UBE2O: variants seen among roughly 807,000 people sequenced by gnomAD.
UBE2O encodes ubiquitin conjugating enzyme E2 O.
UBE2O carries 15 observed loss-of-function variants against 125.8 expected under a neutral mutation model. The observed-to-expected ratio is 0.12, with a 90% CI of 0.08 to 0.18. The LOEUF (loss-of-function observed/expected upper bound fraction) is 0.18. Among genes scored for constraint, UBE2O ranks in the 10% least tolerant of loss-of-function variants. The pLI is 1.00. For synonymous variants in UBE2O, 708 were observed against 703.2 expected (o/e 1.01, Z -0.11); for missense variants, 1,280 against 1,723.6 (o/e 0.74, Z 4.56).
At chr17:76,401,207 G>T (rs1336526781) in intron 5 of UBE2O, 53 bp from the exon 6 acceptor site, 8 of 1,594,626 alleles carry the variant, frequency 5.0e-6, no homozygotes, top group Non-Finnish European at 6.8e-6. Flanking sequence ...CTCCATGGGT[G>T]ACCATGCTCT....
chr17:76,424,996 G>A (rs1231415305), intron 1 of UBE2O, among the ~76,000 whole-genome samples: 3 of 150,666 alleles, frequency 2.0e-5, no homozygotes, highest in Non-Finnish European at 4.4e-5. Flanking sequence ...TCAGCCTCCC[G>A]AGTAGCTGGG....
Position 76,391,695 on chromosome 17 carries a change from CAG to C in UBE2O, c.3208+59_3208+60del. On this transcript the variant is annotated intron_variant, in intron 17 of 17. Coordinates refer to ENST00000319380, the MANE Select transcript of UBE2O (RefSeq NM_022066.4). The surrounding 1 kb of genome is among the most constrained non-coding windows in gnomAD (Gnocchi z 8.4). Reference sequence around the variant, plus strand: ...ACCCTCCACCTGCCAGGGGGACTATCAGAGTCACTTTCCTCCACCGGCCCTCC... The same window carrying C: ...ACCCTCCACCTGCCAGGGGGACTATCAGTCACTTTCCTCCACCGGCCCTCC... The C allele has an allele frequency of 3.7e-6, 6 of 1,608,030 alleles. No homozygotes were observed. Among genetic ancestry groups the C allele is most frequent in the East Asian group, 2.2e-5 (1 of 44,820 alleles).
In UBE2O at chr17:76,416,072, T is replaced by C. The variant is rs1477657570; in HGVS notation, c.418-10500A>G. The stretch of plus-strand genomic sequence containing the variant: ...ATATGTACATACACGTATATACGTA[T>C]GTGTATACATATGTACATACATGTA... On this transcript the variant is annotated intron_variant, in intron 1 of 17. Coordinates refer to ENST00000319380, the MANE Select transcript of UBE2O (RefSeq NM_022066.4). Among the ~76,000 whole-genome samples, 5 of 151,564 alleles carry C rather than the reference T, an allele frequency of 3.3e-5. 1 individual carries two copies. Among genetic ancestry groups the C allele is most frequent in the East Asian group, 3.9e-4 (2 of 5,184 alleles).
chr17:76,432,817 C>T (rs1343642913), intron 1 of UBE2O, among the ~76,000 whole-genome samples: 2 of 152,144 alleles, frequency 1.3e-5, no homozygotes, highest in Non-Finnish European at 2.9e-5. Flanking sequence ...ATACACATGG[C>T]CAATAAGCAC....
chr17:76,429,676 G>A (rs2072871655), intron 1 of UBE2O, among the ~76,000 whole-genome samples: 1 of 152,134 alleles, frequency 6.6e-6, no homozygotes, highest in Non-Finnish European at 1.5e-5. Context: ...ACTGCTGTGA[G>A]GAGCCACTAC....
chr17:76,438,263 G>A (rs2073029349), intron 1 of UBE2O, among the ~76,000 whole-genome samples: 1 of 152,142 alleles, frequency 6.6e-6, no homozygotes, highest in African/African-American at 2.4e-5. Flanking sequence ...GGATGGTGGG[G>A]ATGGTTGCAC....
At chr17:76,406,486 G>C (rs540518155) in intron 1 of UBE2O, among the ~76,000 whole-genome samples, 2 of 152,040 alleles carry the variant, frequency 1.3e-5, no homozygotes, top group Admixed American at 1.3e-4. Context: ...TGGGGGCACT[G>C]AGAGGTCACC....
In UBE2O at chr17:76,405,159, G is replaced by T; in HGVS notation, c.588+47C>A. The T allele has an allele frequency of 6.9e-7, 1 of 1,448,152 alleles. No individual in the cohort carries two copies. Among genetic ancestry groups the T allele is most frequent in the Non-Finnish European group, 9.5e-7 (1 of 1,047,956 alleles). 89.7% of individuals were successfully genotyped at this position (1,448,152 alleles called of 1,614,324 possible). A position where few individuals can be genotyped will look rare whatever the true frequency, so the allele number is the denominator to read the frequency against. ...TAGCCCAGAGGTCGTGCCGCCGAGA[G>T]AACCAGAGGGCCCAGAAAGGATGAT... On this transcript the variant is annotated intron_variant, in intron 3 of 17. Coordinates refer to ENST00000319380, the MANE Select transcript of UBE2O (RefSeq NM_022066.4). This position sits in a 1 kb window ranked among gnomAD's most constrained non-coding sequence, Gnocchi z 6.1.
rs1377044903 is a variant in UBE2O, at chr17:76,399,387, G to T, written c.1628+62C>A. On this transcript the variant is annotated intron_variant, in intron 9 of 17. Transcript: ENST00000319380. The surrounding 1 kb of genome is among the most constrained non-coding windows in gnomAD (Gnocchi z 6.9). ...CGAGCGCAGGCACGCACACCGAGGG[G>T]ACGCGCACTCTGCCTGGCTTCACGC... 6.0e-6 allele frequency: 9 copies of T among 1,504,236 alleles called. No homozygotes were observed. The highest frequency in any genetic ancestry group is 1.2e-5 in the South Asian group (1 of 82,506). The allele number at this position is 1,504,236 out of a possible 1,614,324, so 93.2% of individuals were successfully genotyped here.
At chr17:76,423,725 T>TAAATAAATAAAAAAAAAAAA (rs1407680083) in intron 1 of UBE2O, among the ~76,000 whole-genome samples, 7 of 148,936 alleles carry the variant, frequency 4.7e-5, no homozygotes, top group African/African-American at 1.7e-4. Context: ...AATAAATAAA[T>TAAATAAATAAAAAAAAAAAA]AAAAAATAAG....
Position 76,400,316 on chromosome 17 carries a change from G to A in UBE2O, c.1005-19C>T, listed in dbSNP as rs562701277. On this transcript the variant is annotated intron_variant, in intron 7 of 17. Coordinates refer to ENST00000319380, the MANE Select transcript of UBE2O (RefSeq NM_022066.4). The surrounding 1 kb of genome is among the most constrained non-coding windows in gnomAD (Gnocchi z 4.3). ...CTTCACCCTGGTTGGGGAAGAAGTG[G>A]GGGTGAGCTGGGCTGGACTCCTGGG... 2.5e-6 allele frequency: 4 copies of A among 1,611,870 alleles called. No homozygotes were observed. The East Asian group carries it at 8.9e-5, about 36-fold the overall frequency.
Position 76,396,275 on chromosome 17 carries a change from T to G in UBE2O, c.2662A>C (p.Lys888Gln). The change falls in exon 14 of 18, where the codon AAG (lysine) becomes CAG (glutamine). Residue 888 changes from lysine to glutamine, a missense_variant. By Grantham distance (53) the Lys-to-Gln change is moderately conservative. Transcript: ENST00000319380. The surrounding 1 kb of genome is among the most constrained non-coding windows in gnomAD (Gnocchi z 6.7). ...KMEAVPDVER[K>Q]EDKPEGQSPV... is the part of the protein sequence containing the mutation. ...GACTGCCCCTCGGGCTTGTCCTCCT[T>G]GCGCTCTACGTCGGGCACTGCTTCC... 1 of 1,614,232 alleles carries G rather than the reference T, an allele frequency of 6.2e-7. No homozygotes were observed. Among genetic ancestry groups the G allele is most frequent in the Non-Finnish European group, 8.5e-7 (1 of 1,180,042 alleles).
At position 76,433,802 on chromosome 17, in the gene UBE2O, G is replaced by A. The variant is rs540948527; in HGVS notation, c.417+18923C>T. ...TTTGGGAGGCCAAGGTAGGAGGATC[G>A]CTTGAGGAAAGGAGTTTGAGACCAG... On this transcript the variant is annotated intron_variant, in intron 1 of 17. Coordinates refer to ENST00000319380, the MANE Select transcript of UBE2O (RefSeq NM_022066.4). Among the ~76,000 whole-genome samples, 245 of 152,100 alleles carry A rather than the reference G, an allele frequency of 1.6e-3. 2 individuals carry two copies. The highest frequency in any genetic ancestry group is 5.8e-4 in the East Asian group (3 of 5,166).
chr17:76,414,156 A>C lies in UBE2O; in HGVS notation c.418-8584T>G, dbSNP rs375228819. On this transcript the variant is annotated intron_variant, in intron 1 of 17. Transcript: ENST00000319380. ...ACATGCTTGGGGGAGGGGAGGGAGA[A>C]CCTCCGGAAATGGCTGGAAGTAAAA... 5.1e-4 allele frequency among the ~76,000 whole-genome samples: 77 copies of C among 152,228 alleles called. No homozygotes were observed. In the Middle Eastern group the frequency reaches 0.01, roughly 20 times the overall value.
Position 76,391,500 on chromosome 17 carries a change from C to T in UBE2O, c.3322G>A (p.Val1108Met), listed in dbSNP as rs771202026. 8.1e-6 allele frequency: 13 copies of T among 1,613,918 alleles called. No homozygotes were observed. In the Admixed American group the frequency reaches 1.3e-4, roughly 17 times the overall value. The change falls in exon 18 of 18, where the codon GTG becomes ATG. Residue 1108 changes from valine (V) to methionine (M), a missense_variant. Val to Met is a conservative substitution (Grantham distance 21, BLOSUM62 1). Coordinates refer to ENST00000319380, the MANE Select transcript of UBE2O (RefSeq NM_022066.4). This position sits in a 1 kb window ranked among gnomAD's most constrained non-coding sequence, Gnocchi z 8.4. Reference protein sequence around the residue: ...RCYNEMALIRVVQSMTQLVRR... With the variant: ...RCYNEMALIRMVQSMTQLVRR... ...ACCAGCTGGGTCATGGACTGCACCACGCGGATCAGCGCCATCTCATTGTAA... is the reference window on the plus strand; with the variant it reads ...ACCAGCTGGGTCATGGACTGCACCATGCGGATCAGCGCCATCTCATTGTAA...
Position 76,402,554 on chromosome 17 carries a change from A to G in UBE2O, c.686+48T>C, listed in dbSNP as rs2072346147. 6.6e-7 allele frequency: 1 copy of G among 1,526,410 alleles called. No homozygotes were observed. The highest frequency in any genetic ancestry group is 9.1e-7 in the Non-Finnish European group (1 of 1,100,478). The allele number at this position is 1,526,410 out of a possible 1,614,324, so 94.6% of individuals were successfully genotyped here. A position where few individuals can be genotyped will look rare whatever the true frequency, so the allele number is the denominator to read the frequency against. ...ACACCCTCCTCCTCCCCTCTTTCCA[A>G]GAGGCTATCCTTCCCAAGCCGATGG... On this transcript the variant is annotated intron_variant, in intron 4 of 17. Transcript: ENST00000319380. The surrounding 1 kb of genome is among the most constrained non-coding windows in gnomAD (Gnocchi z 5.4).
chr17:76,400,057 G>T lies in UBE2O; in HGVS notation c.1155+90C>A. On this transcript the variant is annotated intron_variant, in intron 8 of 17. Transcript: ENST00000319380. The surrounding 1 kb of genome is among the most constrained non-coding windows in gnomAD (Gnocchi z 4.3). ...AGGGTCATCAGGGCTGCCCCCCAAG[G>T]CCTAAAGCACAGACTGTCCTTCTTG... The T allele has an allele frequency of 6.5e-7, 1 of 1,544,966 alleles. No individual in the cohort carries two copies.
intron 15 of UBE2O, among the ~76,000 whole-genome samples, chr17:76,393,034 G>C (rs1418668612): frequency 6.6e-6 from 1 of 151,906 alleles, no homozygotes; most frequent in Non-Finnish European, 1.5e-5. Context: ...CAAGGTGGGA[G>C]GACTGCTTGA....
In UBE2O at chr17:76,390,863, A is replaced by G. The variant is rs1040967188; in HGVS notation, c.*80T>C. On this transcript the variant is annotated 3_prime_UTR_variant, in exon 18 of 18. Transcript: ENST00000319380. ...GCAGTGGGGACAGAGGGGCATGGGA[A>G]GAGGGGTGATTCCGGGGGGGAGTGA... The G allele has an allele frequency of 1.4e-6, 2 of 1,418,430 alleles. No individual in the cohort carries two copies. The highest frequency in any genetic ancestry group is 2.8e-5 in the African/African-American group (2 of 70,248). The allele number at this position is 1,418,430 out of a possible 1,614,324, so 87.9% of individuals were successfully genotyped here. A position where few individuals can be genotyped will look rare whatever the true frequency, so the allele number is the denominator to read the frequency against.
Sources: gnomAD v4.1 joint callset for allele counts (sites outside exome capture counted in the v4.1 genomes callset) on GRCh38, gnomAD v4.1.1 for gene constraint, Gnocchi (gnomAD v3.1) non-coding constraint, MANE v1.5 for transcripts, NCBI Gene and HGNC (gene_info 2026-07-23, HGNC 2026-07-21) for gene names.